Variants in SRGAP2 observed in about 807,000 individuals in gnomAD.
SRGAP2 encodes the protein SLIT-ROBO Rho GTPase activating protein 2.
A neutral mutation model predicts 57.2 loss-of-function variants in SRGAP2; 15 were observed. That is an observed-to-expected ratio of 0.26 (90% CI 0.18 to 0.40). The LOEUF (loss-of-function observed/expected upper bound fraction) is 0.40, where lower values mean the gene tolerates loss of function less well. Ranked by LOEUF, SRGAP2 falls within the 10% of genes least tolerant of loss-of-function variation. The pLI, the probability that SRGAP2 is intolerant of heterozygous loss-of-function variation, is 1.00. For synonymous variants in SRGAP2, 249 were observed against 248.0 expected, an observed-to-expected ratio of 1.00 and a Z score of -0.04; for missense variants, 520 against 669.6, an observed-to-expected ratio of 0.78 and a Z score of 2.47.
intron 19 of SRGAP2, among the ~76,000 whole-genome samples, chr1:206,450,917 G>A (rs1663222538): frequency 6.6e-6 from 1 of 150,560 alleles, no homozygotes; most frequent in South Asian, 2.1e-4. Context: ...TTCAAGACCA[G>A]CCTAGGCAAC....
intron 14 of SRGAP2, among the ~76,000 whole-genome samples, chr1:206,436,116 A>G (rs1488468559): frequency 6.6e-6 from 1 of 151,812 alleles, no homozygotes; most frequent in Non-Finnish European, 1.5e-5. Flanking sequence ...ATCATCAGCT[A>G]TCATTAGAAT....
Position 206,372,969 on chromosome 1 carries a change from CTTT to C in SRGAP2, c.424-11044_424-11042del, listed in dbSNP as rs1440521999. ...TTTCTTTCTTTCTTTTCTTTCCTTT[CTTT>C]CTTTCTTTCTTTCTTTCTTTCTTTC... On this transcript the variant is annotated intron_variant, in intron 4 of 22. Coordinates refer to ENST00000573034, the MANE Select transcript of SRGAP2 (RefSeq NM_015326.5). Among the ~76,000 whole-genome samples the C allele has an allele frequency of 8.9e-3, 103 of 11,514 alleles. 6 individuals carry two copies. Among genetic ancestry groups the C allele is most frequent in the Middle Eastern group, 0.045 (1 of 22 alleles). The allele number at this position is 11,514 out of a possible 152,430, so 7.6% of individuals were successfully genotyped here.
At chr1:206,214,851 A>G (rs1212863127) in intron 2 of SRGAP2, 3 of 152,010 alleles carry the variant, frequency 2.0e-5, no homozygotes, top group African/African-American at 7.3e-5. Flanking sequence ...GTAAAGCCCA[A>G]CGTTTCTGGG....
intron 3 of SRGAP2, among the ~76,000 whole-genome samples, chr1:206,306,232 A>C (rs1672187169): frequency 6.6e-6 from 1 of 151,890 alleles, no homozygotes; most frequent in South Asian, 2.1e-4. Context: ...ACAGCTCTTA[A>C]GGTGGTGTGT....
chr1:206,229,884 GTTC>G (rs1319117990), intron 2 of SRGAP2, among the ~76,000 whole-genome samples: 4 of 150,992 alleles, frequency 2.6e-5, no homozygotes, highest in Admixed American at 1.3e-4. Context: ...AGTTGCAGCA[GTTC>G]TTCTGGTTAT....
At chr1:206,377,023 C>T (rs1655264831) in intron 4 of SRGAP2, among the ~76,000 whole-genome samples, 1 of 152,058 alleles carries the variant, frequency 6.6e-6, no homozygotes, top group African/African-American at 2.4e-5. Flanking sequence ...GGCTGGGTAC[C>T]ACAGAGGATT....
At chr1:206,323,590 C>T (rs1275353650) in intron 3 of SRGAP2, among the ~76,000 whole-genome samples, 15 of 151,830 alleles carry the variant, frequency 9.9e-5, no homozygotes, top group African/African-American at 3.1e-4. Flanking sequence ...TCAGCATCAG[C>T]ATCAGCATCA....
rs542759523 is a variant in SRGAP2, at chr1:206,431,665, A to G, written c.1555+1443A>G. ...CCTTCATAAACCTTACATTCCACTGAAAGGTGGATAAGCAAATGACCAATT... is the reference window on the plus strand; with the variant it reads ...CCTTCATAAACCTTACATTCCACTGGAAGGTGGATAAGCAAATGACCAATT... On this transcript the variant is annotated intron_variant, in intron 14 of 22. Coordinates refer to ENST00000573034, the MANE Select transcript of SRGAP2 (RefSeq NM_015326.5). Among the ~76,000 whole-genome samples the G allele has an allele frequency of 2.6e-5, 4 of 152,368 alleles. No individual in the cohort carries two copies. The East Asian group carries it at 7.7e-4, about 29-fold the overall frequency.
intron 16 of SRGAP2, among the ~76,000 whole-genome samples, chr1:206,438,641 G>A (rs1661995036): frequency 6.6e-6 from 1 of 152,140 alleles, no homozygotes; most frequent in South Asian, 2.1e-4. Flanking sequence ...TCTAAAATTT[G>A]GGTCTTGAAA....
At chr1:206,373,093 TTTTTTC>T (rs1654859001) in intron 4 of SRGAP2, among the ~76,000 whole-genome samples, 1 of 135,900 alleles carries the variant, frequency 7.4e-6, no homozygotes. Context: ...TCTGTCCTTT[TTTTTTC>T]TTTTTTTTTT....
intron 4 of SRGAP2, among the ~76,000 whole-genome samples, chr1:206,363,493 T>C (rs1193043062): frequency 6.6e-6 from 1 of 152,156 alleles, no homozygotes; most frequent in African/African-American, 2.4e-5. Flanking sequence ...GAGGTAATAC[T>C]ATAATCTCTC....
rs1011556325 is a variant in SRGAP2 at position 206,430,084 on chromosome 1, C to A, written c.1495-78C>A. ...GGTGATCCGCTAAGACAGTTCTGCA[C>A]GGTTTGGCCCGTTTTCTCTGACCCT... On this transcript the variant is annotated intron_variant, in intron 13 of 22. Transcript: ENST00000573034. The A allele has an allele frequency of 3.9e-6, 3 of 773,388 alleles. No individual in the cohort carries two copies. The South Asian group carries it at 4.1e-5, about 10-fold the overall frequency. The allele number at this position is 773,388 out of a possible 1,614,324, so 47.9% of individuals were successfully genotyped here. A position where few individuals can be genotyped will look rare whatever the true frequency, so the allele number is the denominator to read the frequency against.
intron 4 of SRGAP2, among the ~76,000 whole-genome samples, chr1:206,356,783 A>T: frequency 7.1e-6 from 1 of 141,628 alleles, no homozygotes; most frequent in African/African-American, 2.7e-5. Context: ...TTTCATTTTC[A>T]TCTTCTTTCC....
At chr1:206,289,026 C>CT (rs1234339175) in intron 2 of SRGAP2, among the ~76,000 whole-genome samples, 2 of 42,250 alleles carry the variant, frequency 4.7e-5, no homozygotes, top group South Asian at 7.5e-4. Flanking sequence ...TCTCTTAAGC[C>CT]TTTTTTTTAC....
chr1:206,303,886 T>A (rs1479099898), intron 3 of SRGAP2, among the ~76,000 whole-genome samples: 2,890 of 130,184 alleles, frequency 0.022, 10 homozygotes, highest in Middle Eastern at 0.031. Flanking sequence ...TCTCTCTCTC[T>A]CTCACACACA....
chr1:206,439,689 AT>A (rs1662094333), intron 16 of SRGAP2, among the ~76,000 whole-genome samples: 1 of 152,186 alleles, frequency 6.6e-6, no homozygotes, highest in Non-Finnish European at 1.5e-5. Flanking sequence ...AATATTAATA[AT>A]GTGTAATAAC....
At chr1:206,366,535 C>T (rs1553341690) in intron 4 of SRGAP2, among the ~76,000 whole-genome samples, 1 of 151,882 alleles carries the variant, frequency 6.6e-6, no homozygotes, top group African/African-American at 2.4e-5. Flanking sequence ...AGAGGACAGC[C>T]TGGCATGGAA....
At chr1:206,357,388 A>G (rs1676518426) in intron 4 of SRGAP2, among the ~76,000 whole-genome samples, 1 of 151,382 alleles carries the variant, frequency 6.6e-6, no homozygotes, top group Non-Finnish European at 1.5e-5. Flanking sequence ...TTTTTTATAC[A>G]CATTTTTTTA....
At chr1:206,205,091 G>A (rs1665788632) in intron 1 of SRGAP2, 3 of 151,916 alleles carry the variant, frequency 2.0e-5, no homozygotes, top group African/African-American at 7.2e-5. Context: ...CGGGGGCTAG[G>A]TCGGGAGGGC....
Sources: gnomAD v4.1 joint callset for allele counts (sites outside exome capture counted in the v4.1 genomes callset) on GRCh38, gnomAD v4.1.1 for gene constraint, MANE v1.5 for transcripts, NCBI Gene and HGNC (gene_info 2026-07-23, HGNC 2026-07-21) for gene names.